PKP4: variants seen among roughly 807,000 people sequenced by gnomAD.
PKP4 encodes plakophilin 4.
PKP4 carries 90 observed loss-of-function variants against 145.1 expected under a neutral mutation model. The ratio of observed to expected loss-of-function variants is 0.62; its 90% CI spans 0.52 to 0.74. The LOEUF (loss-of-function observed/expected upper bound fraction) is 0.74. PKP4 is among the 30% of genes least tolerant of loss of function. PKP4 has a pLI of 0.00. For synonymous variants in PKP4, 563 were observed against 577.2 expected (o/e 0.98, Z 0.35); for missense variants, 1,340 against 1,482.7 (o/e 0.90, Z 1.58).
chr2:158,607,303 A>T (rs2050735498), intron 4 of PKP4, among the ~76,000 whole-genome samples: 1 of 152,212 alleles, frequency 6.6e-6, no homozygotes, highest in African/African-American at 2.4e-5. Flanking sequence ...TTGATGGATA[A>T]GAGTTCTTTG....
intron 1 of PKP4, among the ~76,000 whole-genome samples, chr2:158,525,673 C>G (rs1384000969): frequency 7.7e-6 from 1 of 129,898 alleles, no homozygotes; most frequent in Non-Finnish European, 1.6e-5. Context: ...GAAAACCCTT[C>G]AAAAAATCAA....
At chr2:158,572,295 C>T (rs1024246794) in intron 2 of PKP4, among the ~76,000 whole-genome samples, 4 of 152,224 alleles carry the variant, frequency 2.6e-5, no homozygotes, top group South Asian at 2.1e-4. Context: ...AATATGAAAG[C>T]GCTATACTGT....
intron 2 of PKP4, among the ~76,000 whole-genome samples, chr2:158,551,985 C>T (rs2045668323): frequency 1.3e-5 from 2 of 152,146 alleles, no homozygotes; most frequent in African/African-American, 4.8e-5. Context: ...CGCTTGGAGC[C>T]TATAAACGTT....
At chr2:158,663,488 A>AG (rs761969876) in intron 15 of PKP4, 43 bp downstream of exon 15, 4 of 1,525,694 alleles carry the variant, frequency 2.6e-6, no homozygotes, top group Non-Finnish European at 3.6e-6. Context: ...CCATCTTTGC[A>AG]AACTAACTTG....
intron 1 of PKP4, among the ~76,000 whole-genome samples, chr2:158,528,695 G>C (rs2043219254): frequency 7.5e-6 from 1 of 133,306 alleles, no homozygotes. Context: ...AAGAGACCTG[G>C]GCAAAGAAAA....
Position 158,577,329 on chromosome 2 carries a change from G to A in PKP4, c.191G>A (p.Ser64Asn), listed in dbSNP as rs1444085511. Residue 64 changes from serine (S) to asparagine (N), a missense_variant, in exon 3 of 22, where the codon AGT becomes AAT. By Grantham distance (46) the Ser-to-Asn change is conservative. Transcript: ENST00000389759. ...ELEVERQIVA[S>N]QLERCRLGAE... The stretch of plus-strand genomic sequence containing the variant: ...GAAGTGGAAAGGCAGATTGTTGCCA[G>A]TCAGCTAGAAAGATGTAGGCTTGGA... 3.7e-6 allele frequency: 6 copies of A among 1,613,462 alleles called. No individual in the cohort carries two copies. Among genetic ancestry groups the A allele is most frequent in the Non-Finnish European group, 1.7e-6 (2 of 1,179,842 alleles).
chr2:158,606,958 G>A (rs2050709205), intron 4 of PKP4, among the ~76,000 whole-genome samples: 1 of 152,114 alleles, frequency 6.6e-6, no homozygotes, highest in African/African-American at 2.4e-5. Context: ...CATATCTCTA[G>A]TATCGGACAT....
chr2:158,640,878 T>G, intron 10 of PKP4, 119 bp downstream of exon 10: 1 of 1,035,468 alleles, frequency 9.7e-7, no homozygotes. Context: ...AAAGGGATAT[T>G]TTGATACCAG....
intron 1 of PKP4, among the ~76,000 whole-genome samples, chr2:158,521,744 C>T (rs991641192): frequency 3.9e-5 from 6 of 152,118 alleles, no homozygotes; most frequent in Non-Finnish European, 8.8e-5. Flanking sequence ...TCTTAATTTC[C>T]TAGTACTTCA....
rs566270446 is a variant in PKP4, at chr2:158,654,648, T to G, written c.1910-3483T>G. On this transcript the variant is annotated intron_variant, in intron 11 of 21. Transcript: ENST00000389759. Reference sequence around the variant, plus strand: ...GTTTCAGCAACCATCTGTTTTGGTCTCAATGTGAAAGGCAGGCAAAACTAT... The same window carrying G: ...GTTTCAGCAACCATCTGTTTTGGTCGCAATGTGAAAGGCAGGCAAAACTAT... Among the ~76,000 whole-genome samples, 174 of 152,222 alleles carry G rather than the reference T, an allele frequency of 1.1e-3. 3 individuals are homozygous for G. Among genetic ancestry groups the G allele is most frequent in the East Asian group, 3.9e-4 (2 of 5,174 alleles).
intron 7 of PKP4, among the ~76,000 whole-genome samples, chr2:158,626,178 C>CAA (rs2052769022): frequency 6.6e-6 from 1 of 152,092 alleles, no homozygotes; most frequent in Admixed American, 6.5e-5. Flanking sequence ...AAGCCTTTTA[C>CAA]CCTCACCCAG....
chr2:158,486,467 C>T (rs1006617093), intron 1 of PKP4, among the ~76,000 whole-genome samples: 12 of 152,048 alleles, frequency 7.9e-5, no homozygotes, highest in African/African-American at 1.7e-4. Flanking sequence ...ATTTAAAGGA[C>T]GAAACTTTGA....
intron 9 of PKP4, among the ~76,000 whole-genome samples, chr2:158,636,393 C>T (rs1283426709): frequency 6.6e-6 from 1 of 152,048 alleles, no homozygotes; most frequent in Non-Finnish European, 1.5e-5. Flanking sequence ...ATAAGGCAGA[C>T]ATCATGTGCA....
chr2:158,617,460 CTATT>C (rs1239088854), intron 4 of PKP4, among the ~76,000 whole-genome samples: 1 of 152,104 alleles, frequency 6.6e-6, no homozygotes, highest in Non-Finnish European at 1.5e-5. Flanking sequence ...AATATTCCAA[CTATT>C]TAATTATAGG....
intron 1 of PKP4, among the ~76,000 whole-genome samples, chr2:158,522,681 G>C (rs137894343): frequency 1.3e-5 from 2 of 152,196 alleles, no homozygotes; most frequent in Admixed American, 1.3e-4. Context: ...CGTGAGCGAC[G>C]CAGAAGACGG....
chr2:158,674,025 G>A, intron 19 of PKP4, 25 bp downstream of exon 19: 2 of 1,226,758 alleles, frequency 1.6e-6, no homozygotes, highest in Non-Finnish European at 2.4e-6. Flanking sequence ...GCCACTCCTT[G>A]GCGAGAACCT....
chr2:158,641,661 A>T (rs2054293574), intron 10 of PKP4, among the ~76,000 whole-genome samples: 1 of 152,248 alleles, frequency 6.6e-6, no homozygotes, highest in Non-Finnish European at 1.5e-5. Context: ...TACCAGTTCC[A>T]GACCTAAAAG....
intron 11 of PKP4, among the ~76,000 whole-genome samples, chr2:158,654,198 T>C (rs1390269264): frequency 1.3e-5 from 2 of 152,230 alleles, no homozygotes; most frequent in African/African-American, 2.4e-5. Context: ...TGCAACTCTT[T>C]GTGTTACATG....
At chr2:158,671,462 C>A (rs1328040635) in intron 17 of PKP4, among the ~76,000 whole-genome samples, 1 of 152,148 alleles carries the variant, frequency 6.6e-6, no homozygotes, top group African/African-American at 2.4e-5. Flanking sequence ...CACTTGTGAG[C>A]AGCATAAGAA....
Sources: gnomAD v4.1 joint callset for allele counts (sites outside exome capture counted in the v4.1 genomes callset) on GRCh38, gnomAD v4.1.1 for gene constraint, MANE v1.5 for transcripts, NCBI Gene and HGNC (gene_info 2026-07-23, HGNC 2026-07-21) for gene names.